Variants in SLC52A3 observed in about 807,000 individuals in gnomAD.
The protein encoded by SLC52A3 is solute carrier family 52, riboflavin transporter, member 3.
A neutral mutation model predicts 29.5 loss-of-function variants in SLC52A3; 20 were observed. The observed-to-expected ratio is 0.68, with a 90% CI of 0.48 to 0.99. The LOEUF (loss-of-function observed/expected upper bound fraction) is 0.99, where lower values mean the gene tolerates loss of function less well. Ranked by LOEUF, SLC52A3 falls within the 50% of genes least tolerant of loss-of-function variation. SLC52A3 has a pLI of 0.00. For synonymous variants in SLC52A3, 301 were observed against 271.0 expected (o/e 1.11, Z -1.09); for missense variants, 548 against 612.9 (o/e 0.89, Z 1.12).
In SLC52A3 at chr20:760,954, C is replaced by G; in HGVS notation, c.*72G>C. ...AGGCTCTGTCTCTCTGTTCCTGCCC[C>G]TTGCTCTGTGACCTGGCCTCTCTGG... On this transcript the variant is annotated 3_prime_UTR_variant, in exon 5 of 5. Transcript: ENST00000645534. This position sits in a 1 kb window ranked among gnomAD's most constrained non-coding sequence, Gnocchi z 4.9. The G allele has an allele frequency of 6.9e-7, 1 of 1,442,398 alleles. No homozygotes were observed. The highest frequency in any genetic ancestry group is 1.2e-5 in the South Asian group (1 of 81,966). The allele number at this position is 1,442,398 out of a possible 1,614,324, so 89.3% of individuals were successfully genotyped here.
At chr20:768,926 C>T (rs1222963845), upstream of SLC52A3, among the ~76,000 whole-genome samples, 3 of 152,218 alleles carry the variant, frequency 2.0e-5, no homozygotes, top group Non-Finnish European at 4.4e-5. Flanking sequence ...TCCAAGCTTT[C>T]TACAAGACTC....
At chr20:778,960 A>G (rs1439439285), upstream of SLC52A3, among the ~76,000 whole-genome samples, 1 of 152,176 alleles carries the variant, frequency 6.6e-6, no homozygotes, top group African/African-American at 2.4e-5. Flanking sequence ...ACTCAATCCA[A>G]ACAGAATAAT....
intron 4 of SLC52A3, 68 bp downstream of exon 4, chr20:761,633 G>A (rs761832054): frequency 2.5e-6 from 4 of 1,601,654 alleles, no homozygotes; most frequent in East Asian, 4.5e-5. Context: ...CCGCGCCCAA[G>A]CTCTCCCAGG....
At chr20:778,729 CTT>C (rs375771938), upstream of SLC52A3, among the ~76,000 whole-genome samples, 10 of 141,972 alleles carry the variant, frequency 7.0e-5, no homozygotes, top group East Asian at 4.2e-4. Context: ...CTTTCTTCTT[CTT>C]TTTTTTTTTT....
upstream of SLC52A3, among the ~76,000 whole-genome samples, chr20:772,355 C>T (rs1273803158): frequency 6.6e-6 from 1 of 152,198 alleles, no homozygotes. Flanking sequence ...CCACGTGACC[C>T]ATCTGCCCTA....
chr20:766,703 C>T (rs6054622), intron 1 of SLC52A3, among the ~76,000 whole-genome samples: 15,962 of 152,058 alleles, frequency 0.1, 858 homozygotes, highest in East Asian at 0.18. Flanking sequence ...ACTCTCTTTT[C>T]GGACTCAGCC....
At chr20:771,405 C>T (rs565078431), upstream of SLC52A3, among the ~76,000 whole-genome samples, 17 of 149,720 alleles carry the variant, frequency 1.1e-4, no homozygotes, top group South Asian at 4.3e-4. Context: ...CTAGCCTCGG[C>T]GACAAAGCAA....
chr20:763,364 G>C lies in SLC52A3; in HGVS notation c.1073+134C>G, dbSNP rs532088667. 369 of 1,165,258 alleles carry C rather than the reference G, an allele frequency of 3.2e-4. 3 individuals carry two copies. The Middle Eastern group carries it at 4.7e-3, about 15-fold the overall frequency. The allele number at this position is 1,165,258 out of a possible 1,614,324, so 72.2% of individuals were successfully genotyped here. On this transcript the variant is annotated intron_variant, in intron 3 of 4. Coordinates refer to ENST00000645534, the MANE Select transcript of SLC52A3 (RefSeq NM_033409.4). ...ACACAGCTGACAGGTGGCAGAGCTG[G>C]GATTTGGACCAGGGTGCTCCCCAAA...
At chr20:764,688 A>G (rs1475691909) in intron 2 of SLC52A3, among the ~76,000 whole-genome samples, 5 of 152,258 alleles carry the variant, frequency 3.3e-5, no homozygotes, top group African/African-American at 1.2e-4. Flanking sequence ...GAAAAATTGC[A>G]GGCTAAGGAG....
At position 760,892 on chromosome 20, in the gene SLC52A3, T is replaced by G; in HGVS notation, c.*134A>C. Reference sequence around the variant, plus strand: ...TTTCCAGGTGCCATCTTCCCCACAGTCCCCAGTGGGCACTTGCGTTCATGA... The same window carrying G: ...TTTCCAGGTGCCATCTTCCCCACAGGCCCCAGTGGGCACTTGCGTTCATGA... On this transcript the variant is annotated 3_prime_UTR_variant, in exon 5 of 5. Transcript: ENST00000645534. This position sits in a 1 kb window ranked among gnomAD's most constrained non-coding sequence, Gnocchi z 4.9. The G allele has an allele frequency of 1.1e-6, 1 of 883,998 alleles. No homozygotes were observed. Among genetic ancestry groups the G allele is most frequent in the South Asian group, 1.7e-5 (1 of 60,488 alleles). The allele number at this position is 883,998 out of a possible 1,614,324, so 54.8% of individuals were successfully genotyped here. A position where few individuals can be genotyped will look rare whatever the true frequency, so the allele number is the denominator to read the frequency against.
At chr20:769,981 G>A (rs968383077), upstream of SLC52A3, among the ~76,000 whole-genome samples, 1 of 152,160 alleles carries the variant, frequency 6.6e-6, no homozygotes, top group African/African-American at 2.4e-5. Flanking sequence ...AGCCTTCTTT[G>A]TAGCTGCACA....
chr20:767,698 A>G (rs975972715), intron 1 of SLC52A3, among the ~76,000 whole-genome samples: 1 of 152,184 alleles, frequency 6.6e-6, no homozygotes, highest in African/African-American at 2.4e-5. Flanking sequence ...TTTGTGAACC[A>G]TGTAAACATA....
At chr20:761,382 C>T (rs2122507147) in intron 4 of SLC52A3, 144 bp from the exon 5 acceptor site, 2 of 999,090 alleles carry the variant, frequency 2.0e-6, no homozygotes, top group East Asian at 5.2e-5. Flanking sequence ...CCTGCGGGGC[C>T]GACGGGTCCC....
chr20:772,856 G>A (rs1986888060), upstream of SLC52A3, among the ~76,000 whole-genome samples: 3 of 152,158 alleles, frequency 2.0e-5, no homozygotes, highest in South Asian at 6.2e-4. Flanking sequence ...AGGGAGTGTG[G>A]GAGTGAGCTG....
In SLC52A3 at chr20:765,216, T is replaced by C. The variant is rs1030662569; in HGVS notation, c.559A>G (p.Ile187Val). Residue 187 changes from isoleucine to valine, a missense_variant, in exon 2 of 5, where the codon ATC (isoleucine) becomes GTC (valine). By Grantham distance (29) the Ile-to-Val change is conservative (BLOSUM62 3). Transcript: ENST00000645534. The surrounding 1 kb of genome is among the most constrained non-coding windows in gnomAD (Gnocchi z 6.6). ...PSPVPTRETD[I>V]AQGVPRALVS... ...CGGGTGATGCTGGGTACCTGTGCGA[T>C]GTCAGTCTCCCTCGTGGGTACAGGG... The C allele has an allele frequency of 1.9e-6, 3 of 1,614,042 alleles. No individual in the cohort carries two copies. The highest frequency in any genetic ancestry group is 2.7e-5 in the African/African-American group (2 of 74,914).
At chr20:775,458 T>C (rs542053276) in intron 1 of SLC52A3, among the ~76,000 whole-genome samples, 2 of 152,136 alleles carry the variant, frequency 1.3e-5, no homozygotes, top group East Asian at 3.9e-4. Flanking sequence ...TTTGTATTTT[T>C]TGTATAGATG....
At position 763,536 on chromosome 20, in the gene SLC52A3, G is replaced by T. The variant is rs1986558738; in HGVS notation, c.1035C>A (p.Asn345Lys). The T allele has an allele frequency of 4.3e-6, 7 of 1,614,144 alleles. No individual in the cohort carries two copies. The highest frequency in any genetic ancestry group is 5.9e-6 in the Non-Finnish European group (7 of 1,180,022). The change falls in exon 3 of 5, where the codon AAC (asparagine) becomes AAA (lysine). Residue 345 changes from asparagine to lysine, a missense_variant. This residue lies in a region of SLC52A3 where 375 missense variants were observed against 471.1 expected (regional missense o/e 0.80). Transcript: ENST00000645534. ...HLAATLSIVA[N>K]PLASLVSMFL... ...ACATGGAGACCAACGAGGCAAGAGG[G>T]TTGGCCACAATGCTGAGGGTGGCAG...
chr20:763,394 T>G, intron 3 of SLC52A3, 104 bp downstream of exon 3: 2 of 1,496,246 alleles, frequency 1.3e-6, no homozygotes, highest in Non-Finnish European at 1.8e-6. Context: ...CCCAAACATG[T>G]TCTTAACCAC....
At chr20:771,685 A>G (rs76467041), upstream of SLC52A3, among the ~76,000 whole-genome samples, 1 of 149,072 alleles carries the variant, frequency 6.7e-6, no homozygotes, top group Non-Finnish European at 1.5e-5. Flanking sequence ...AAAAAAAAAA[A>G]GGAGAAGAGA....
Sources: allele counts gnomAD v4.1 joint callset (sites outside exome capture counted in the v4.1 genomes callset), GRCh38; gene constraint gnomAD v4.1.1; regional missense constraint gnomAD v4.1.1; non-coding constraint Gnocchi (gnomAD v3.1); transcripts MANE v1.5; gene names NCBI Gene and HGNC (gene_info 2026-07-23, HGNC 2026-07-21).